SEPTIN12: variants seen among roughly 807,000 people sequenced by gnomAD.
SEPTIN12 encodes the protein septin 12, also known as septin-12.
SEPTIN12 carries 42 observed loss-of-function variants against 37.7 expected under a neutral mutation model. The observed-to-expected ratio is 1.11, with a 90% confidence interval of 0.87 to 1.44. The LOEUF (loss-of-function observed/expected upper bound fraction) is 1.44. Among genes scored for constraint, SEPTIN12 ranks in the 40% most tolerant of loss-of-function variants. The pLI, the probability that SEPTIN12 is intolerant of heterozygous loss-of-function variation, is 0.00. For synonymous variants in SEPTIN12, 254 were observed against 196.7 expected, an observed-to-expected ratio of 1.29 and a Z score of -2.44; for missense variants, 613 against 479.2, an observed-to-expected ratio of 1.28 and a Z score of -2.61.
chr16:4,783,380 G>T (rs753647490), intron 7 of SEPTIN12, 82 bp downstream of exon 7: 1 of 1,038,030 alleles, frequency 9.6e-7, no homozygotes, highest in South Asian at 1.3e-5. Flanking sequence ...TCCCTGAGAT[G>T]TAGAGAAAGA....
At chr16:4,780,431 G>A (rs1471597414) in intron 7 of SEPTIN12, among the ~76,000 whole-genome samples, 1 of 152,078 alleles carries the variant, frequency 6.6e-6, no homozygotes, top group Non-Finnish European at 1.5e-5. Context: ...ACATAGTTGA[G>A]CCTATGAGTC....
At chr16:4,779,267 T>TC (rs1186462532) in intron 8 of SEPTIN12, among the ~76,000 whole-genome samples, 1 of 152,142 alleles carries the variant, frequency 6.6e-6, no homozygotes, top group African/African-American at 2.4e-5. Flanking sequence ...TCACTGTGCC[T>TC]CCCCGACCTG....
chr16:4,783,377 G>A (rs763890879), intron 7 of SEPTIN12, 85 bp downstream of exon 7: 1 of 1,014,568 alleles, frequency 9.9e-7, no homozygotes, highest in Non-Finnish European at 1.6e-6. Flanking sequence ...ATTTCCCTGA[G>A]ATGTAGAGAA....
intron 2 of SEPTIN12, among the ~76,000 whole-genome samples, chr16:4,786,545 CG>C (rs1294531093): frequency 1.3e-5 from 2 of 151,392 alleles, no homozygotes; most frequent in Non-Finnish European, 2.9e-5. Flanking sequence ...TTAGTAGAGA[CG>C]GGGTTTCACC....
intron 7 of SEPTIN12, 105 bp downstream of exon 7, chr16:4,783,357 A>C: frequency 1.1e-6 from 1 of 877,496 alleles, no homozygotes; most frequent in Non-Finnish European, 1.9e-6. Context: ...TCTGCTAGGA[A>C]TATGTGCACA....
Position 4,785,876 on chromosome 16 carries a change from TTC to T in SEPTIN12, c.303_304del (p.Lys102GlyfsTer21). The T allele has an allele frequency of 6.2e-7, 1 of 1,613,054 alleles. No individual in the cohort carries two copies. The highest frequency in any genetic ancestry group is 8.5e-7 in the Non-Finnish European group (1 of 1,179,764). On this transcript the variant is annotated frameshift_variant, in exon 4 of 10. Coordinates refer to ENST00000268231, the MANE Select transcript of SEPTIN12 (RefSeq NM_144605.5). LOFTEE classifies it high-confidence loss of function. ...CACCGTCAGCTTCAGCTTCACACCC[TTC>T]TCCTCTATGACTGTGGAGGGAGAGC...
chr16:4,781,106 A>G (rs2082366970), intron 7 of SEPTIN12, among the ~76,000 whole-genome samples: 1 of 151,954 alleles, frequency 6.6e-6, no homozygotes, highest in Non-Finnish European at 1.5e-5. Context: ...CAAAAAGACA[A>G]TAATTAGCCA....
At chr16:4,791,427 C>T (rs893919465), upstream of SEPTIN12, among the ~76,000 whole-genome samples, 6 of 152,142 alleles carry the variant, frequency 3.9e-5, no homozygotes, top group Admixed American at 6.6e-5. Context: ...CATCATGCTT[C>T]GACGGCTCTG....
upstream of SEPTIN12, among the ~76,000 whole-genome samples, chr16:4,791,771 T>C (rs981539610): frequency 2.6e-5 from 4 of 152,104 alleles, no homozygotes; most frequent in African/African-American, 9.7e-5. Context: ...CCCTGCAACC[T>C]CTGCCTCCCG....
chr16:4,778,175 G>A, intron 8 of SEPTIN12, 38 bp from the exon 9 acceptor site: 1 of 1,609,216 alleles, frequency 6.2e-7, no homozygotes, highest in East Asian at 2.2e-5. Flanking sequence ...GCTGCTTAGT[G>A]AGCACTGAGT....
rs2082433017 is a variant in SEPTIN12 at position 4,785,822 on chromosome 16, A to T, written c.359T>A (p.Ile120Asn). 1.9e-6 allele frequency: 3 copies of T among 1,607,986 alleles called. No individual in the cohort carries two copies. Among genetic ancestry groups the T allele is most frequent in the Admixed American group, 1.7e-5 (1 of 59,668 alleles). ...VTDTPGFGDQ[I>N]NNDNCWDPIL... Reference sequence around the variant, plus strand: ...GAGAACCTACCAGTTGTCATTGTTGATCTGGTCCCCGAAGCCGGGCGTGTC... The same window carrying T: ...GAGAACCTACCAGTTGTCATTGTTGTTCTGGTCCCCGAAGCCGGGCGTGTC... Residue 120 changes from isoleucine to asparagine, a missense_variant, in exon 4 of 10, where the codon ATC (isoleucine) becomes AAC (asparagine). Ile to Asn is a moderately radical substitution (Grantham distance 149). Transcript: ENST00000268231.
chr16:4,784,929 G>A (rs2082419683), intron 4 of SEPTIN12, among the ~76,000 whole-genome samples: 1 of 151,924 alleles, frequency 6.6e-6, no homozygotes, highest in South Asian at 2.1e-4. Flanking sequence ...GGCCAACATG[G>A]GGAAATCCCC....
At chr16:4,788,714 A>G (rs894897146), upstream of SEPTIN12, 2 of 152,250 alleles carry the variant, frequency 1.3e-5, no homozygotes, top group African/African-American at 4.8e-5. Context: ...GACTCTGCAC[A>G]TGGCATCGTT....
chr16:4,785,695 T>C, intron 4 of SEPTIN12, 112 bp downstream of exon 4: 1 of 758,796 alleles, frequency 1.3e-6, no homozygotes, highest in Non-Finnish European at 2.2e-6. Context: ...GGAGAATCAC[T>C]TGAACCTGGG....
chr16:4,788,436 A>T (rs936033688), upstream of SEPTIN12: 3 of 152,490 alleles, frequency 2.0e-5, no homozygotes, highest in Admixed American at 2.0e-4. Flanking sequence ...TCTCTGCAGC[A>T]GGAGCAGGAG....
intron 4 of SEPTIN12, among the ~76,000 whole-genome samples, chr16:4,785,326 C>T (rs1474380043): frequency 6.6e-6 from 1 of 151,598 alleles, no homozygotes; most frequent in Non-Finnish European, 1.5e-5. Context: ...TGTGTCACTG[C>T]ACTCTGGCCT....
In SEPTIN12 at chr16:4,780,569, C is replaced by G. The variant is rs147121520; in HGVS notation, c.727-783G>C. Among the ~76,000 whole-genome samples, 484 of 152,272 alleles carry G rather than the reference C, an allele frequency of 3.2e-3. 2 individuals carry two copies. The highest frequency in any genetic ancestry group is 0.011 in the African/African-American group (457 of 41,550). ...TGCAGAAAAGGTTGTTGAACCCTAC[C>G]GTAAACTCCAGTTGTTTACTTGCTC... On this transcript the variant is annotated intron_variant, in intron 7 of 9. Transcript: ENST00000268231.
intron 4 of SEPTIN12, among the ~76,000 whole-genome samples, chr16:4,785,537 G>A (rs2082427550): frequency 6.6e-6 from 1 of 151,956 alleles, no homozygotes; most frequent in Non-Finnish European, 1.5e-5. Context: ...ACTTTGGGAG[G>A]CCGAGGCGGG....
At chr16:4,787,754 T>C (rs1227096727) in intron 1 of SEPTIN12, 87 bp from the exon 2 acceptor site, 4 of 629,226 alleles carry the variant, frequency 6.4e-6, no homozygotes, top group East Asian at 5.5e-5. Flanking sequence ...CTATTTGAGC[T>C]TGGCCGTTGG....
Sources: allele counts gnomAD v4.1 joint callset (sites outside exome capture counted in the v4.1 genomes callset), GRCh38; gene constraint gnomAD v4.1.1; transcripts MANE v1.5; gene names NCBI Gene and HGNC (gene_info 2026-07-23, HGNC 2026-07-21).